Variants in HS2ST1 observed in about 807,000 individuals in gnomAD.
HS2ST1 encodes heparan sulfate 2-O-sulfotransferase 1.
Under a neutral mutation model 42.9 loss-of-function variants are expected in HS2ST1, and 18 were observed. The ratio of observed to expected loss-of-function variants is 0.42; its 90% CI spans 0.29 to 0.62. HS2ST1 has a LOEUF of 0.62. Ranked by LOEUF, HS2ST1 falls within the 20% of genes least tolerant of loss-of-function variation. The pLI, the probability that HS2ST1 is intolerant of heterozygous loss-of-function variation, is 0.21. For synonymous variants in HS2ST1, 146 were observed against 152.9 expected (o/e 0.95, Z 0.33); for missense variants, 334 against 433.8 (o/e 0.77, Z 2.04).
chr1:87,008,418 G>A (rs1378777138), intron 1 of HS2ST1, among the ~76,000 whole-genome samples: 4 of 152,138 alleles, frequency 2.6e-5, no homozygotes, highest in African/African-American at 9.7e-5. Context: ...CTGATTGCTT[G>A]TGTCATGTAT....
At chr1:87,019,972 G>A (rs1649867655) in intron 1 of HS2ST1, among the ~76,000 whole-genome samples, 1 of 152,138 alleles carries the variant, frequency 6.6e-6, no homozygotes, top group Non-Finnish European at 1.5e-5. Context: ...AGCCAAGTGG[G>A]CAGGGAGATT....
chr1:87,041,233 AAAAAAAAC>A (rs1478225432), intron 1 of HS2ST1, among the ~76,000 whole-genome samples: 2 of 83,030 alleles, frequency 2.4e-5, no homozygotes, highest in Non-Finnish European at 5.1e-5. Flanking sequence ...ACTAAAAAAA[AAAAAAAAC>A]AAAAAAAAAA....
chr1:87,068,592 A>C (rs926049916), intron 1 of HS2ST1, among the ~76,000 whole-genome samples: 1 of 152,008 alleles, frequency 6.6e-6, no homozygotes, highest in Non-Finnish European at 1.5e-5. Context: ...TTCCAATACT[A>C]TGTTGAATAG....
intron 1 of HS2ST1, among the ~76,000 whole-genome samples, chr1:87,013,245 C>G (rs2100580194): frequency 6.6e-6 from 1 of 152,352 alleles, no homozygotes; most frequent in East Asian, 1.9e-4. Flanking sequence ...ACACCTCTGC[C>G]TGGAGATATC....
chr1:87,021,565 A>G (rs941055162), intron 1 of HS2ST1, among the ~76,000 whole-genome samples: 7 of 152,190 alleles, frequency 4.6e-5, no homozygotes, highest in African/African-American at 1.7e-4. Context: ...TCCAGGGTGG[A>G]GTACAATGGC....
chr1:86,946,669 C>A (rs773941098), intron 1 of HS2ST1, among the ~76,000 whole-genome samples: 7 of 152,084 alleles, frequency 4.6e-5, no homozygotes, highest in Non-Finnish European at 7.4e-5. Flanking sequence ...TAAGCATAGG[C>A]CCCCCTGGCA....
intron 1 of HS2ST1, among the ~76,000 whole-genome samples, chr1:87,072,465 T>C (rs1460897569): frequency 6.7e-6 from 1 of 149,282 alleles, no homozygotes; most frequent in Non-Finnish European, 1.5e-5. Flanking sequence ...TAAGTGCATT[T>C]TTATACTGTG....
intron 1 of HS2ST1, among the ~76,000 whole-genome samples, chr1:87,005,711 C>T (rs2100573457): frequency 6.6e-6 from 1 of 152,262 alleles, no homozygotes; most frequent in East Asian, 1.9e-4. Context: ...CTGAGATGCT[C>T]CTAAATTATA....
chr1:87,107,172 A>G lies in HS2ST1; in HGVS notation c.*2476A>G, dbSNP rs1652345326. The G allele has an allele frequency of 6.6e-6, 1 of 152,024 alleles. No individual in the cohort carries two copies. The highest frequency in any genetic ancestry group is 2.1e-4 in the South Asian group (1 of 4,826). The allele number at this position is 152,024 out of a possible 1,614,324, so 9.4% of individuals were successfully genotyped here. ...ATGGAGAAATCCTCTTTGTGTCTCT[A>G]CTCTAGATGCCTAAAAGAGTTTATA... On this transcript the variant is annotated 3_prime_UTR_variant, in exon 7 of 7. Transcript: ENST00000370550.
intron 1 of HS2ST1, among the ~76,000 whole-genome samples, chr1:86,982,117 G>C (rs1033463150): frequency 6.6e-6 from 1 of 152,252 alleles, no homozygotes; most frequent in Non-Finnish European, 1.5e-5. Context: ...GGCCTAAGCT[G>C]TACCTTGGCC....
intron 1 of HS2ST1, among the ~76,000 whole-genome samples, chr1:86,947,141 G>T (rs1292237804): frequency 6.6e-6 from 1 of 152,196 alleles, no homozygotes; most frequent in Non-Finnish European, 1.5e-5. Flanking sequence ...AGTTGAGGGA[G>T]CCCACATTTT....
chr1:86,921,776 G>T (rs1011247512), intron 1 of HS2ST1, among the ~76,000 whole-genome samples: 16 of 152,048 alleles, frequency 1.1e-4, no homozygotes, highest in African/African-American at 3.4e-4. Context: ...CCAGTCTCAG[G>T]TATTTTGTTA....
intron 1 of HS2ST1, among the ~76,000 whole-genome samples, chr1:86,963,816 G>A (rs1282606996): frequency 4.0e-5 from 6 of 148,598 alleles, no homozygotes; most frequent in Non-Finnish European, 6.0e-5. Flanking sequence ...CCCTGGACGG[G>A]GCGGCTGGCC....
intron 1 of HS2ST1, among the ~76,000 whole-genome samples, chr1:87,030,591 G>C (rs1186305949): frequency 6.6e-6 from 1 of 152,068 alleles, no homozygotes; most frequent in Non-Finnish European, 1.5e-5. Flanking sequence ...TCAGTATTTT[G>C]AAGAAATCAG....
chr1:87,005,789 A>G (rs1391274214), intron 1 of HS2ST1, among the ~76,000 whole-genome samples: 1 of 152,166 alleles, frequency 6.6e-6, no homozygotes, highest in Non-Finnish European at 1.5e-5. Flanking sequence ...AATTTGGTGT[A>G]CTTTGAAGGA....
intron 1 of HS2ST1, among the ~76,000 whole-genome samples, chr1:87,031,142 T>C (rs1447840916): frequency 6.6e-6 from 1 of 152,100 alleles, no homozygotes; most frequent in Admixed American, 6.5e-5. Context: ...GGTTTTGCCA[T>C]GTTTCCCAGG....
chr1:86,924,320 G>A (rs1251553858), intron 1 of HS2ST1, among the ~76,000 whole-genome samples: 4 of 152,204 alleles, frequency 2.6e-5, no homozygotes, highest in African/African-American at 9.6e-5. Context: ...GAGTGTCTGT[G>A]GCTTTTCCAG....
chr1:87,087,949 T>C (rs1204935883), intron 3 of HS2ST1, among the ~76,000 whole-genome samples: 1 of 152,082 alleles, frequency 6.6e-6, no homozygotes, highest in African/African-American at 2.4e-5. Context: ...TTGTTTCAGA[T>C]CTTTGAGCTT....
intron 1 of HS2ST1, among the ~76,000 whole-genome samples, chr1:87,063,574 A>G (rs1651170554): frequency 6.6e-6 from 1 of 152,026 alleles, no homozygotes; most frequent in South Asian, 2.1e-4. Flanking sequence ...TGACCTCATG[A>G]TCCACCCGCC....
Sources: gnomAD v4.1 joint callset for allele counts (sites outside exome capture counted in the v4.1 genomes callset) on GRCh38, gnomAD v4.1.1 for gene constraint, MANE v1.5 for transcripts, NCBI Gene and HGNC (gene_info 2026-07-23, HGNC 2026-07-21) for gene names.